The following SH3BP2 variants were observed in gnomAD, a reference collection of about 807,000 sequenced individuals.
SH3BP2 encodes the protein SH3 domain binding protein 2, also known as SH3 domain-binding protein 2.
Under a neutral mutation model 56.2 loss-of-function variants are expected in SH3BP2, and 38 were observed. That is an observed-to-expected ratio of 0.68 (90% CI 0.52 to 0.89). The LOEUF is 0.89. Among genes scored for constraint, SH3BP2 ranks in the 40% least tolerant of loss-of-function variants. SH3BP2 has a pLI of 0.00. For synonymous variants in SH3BP2, 346 were observed against 316.7 expected (o/e 1.09, Z -0.98); for missense variants, 748 against 762.6 (o/e 0.98, Z 0.23).
chr4:2,800,414 G>A (rs1411908831), intron 1 of SH3BP2, among the ~76,000 whole-genome samples: 2 of 152,168 alleles, frequency 1.3e-5, no homozygotes, highest in Non-Finnish European at 2.9e-5. Flanking sequence ...TGAGCTGCCC[G>A]AGCCTGCCCC....
intron 1 of SH3BP2, among the ~76,000 whole-genome samples, chr4:2,800,548 C>CACT: frequency 1.6e-5 from 1 of 60,968 alleles, no homozygotes; most frequent in African/African-American, 1.1e-4. Flanking sequence ...GTCCTGTGAC[C>CACT]GCCCCCCCCC....
intron 1 of SH3BP2, among the ~76,000 whole-genome samples, chr4:2,816,416 T>C (rs1724000063): frequency 6.6e-6 from 1 of 152,272 alleles, no homozygotes; most frequent in Non-Finnish European, 1.5e-5. Flanking sequence ...AATTGTTCTT[T>C]CTTTCCATTC....
chr4:2,795,572 C>T (rs987476968), intron 1 of SH3BP2, among the ~76,000 whole-genome samples: 1 of 152,128 alleles, frequency 6.6e-6, no homozygotes, highest in Non-Finnish European at 1.5e-5. Context: ...GGGGAAAAGA[C>T]GGGGAATTTG....
intron 1 of SH3BP2, among the ~76,000 whole-genome samples, chr4:2,820,124 C>T (rs776192423): frequency 6.6e-6 from 1 of 152,208 alleles, no homozygotes; most frequent in Admixed American, 6.5e-5. Flanking sequence ...CAGAAAGTCA[C>T]ACCAGGATGG....
rs557609184 is a variant in SH3BP2, at chr4:2,840,833, A to G, written c.*6999A>G. The G allele has an allele frequency of 2.6e-5, 4 of 152,342 alleles. No individual in the cohort carries two copies. The South Asian group carries it at 6.2e-4, about 24-fold the overall frequency. The allele number at this position is 152,342 out of a possible 1,614,324, so 9.4% of individuals were successfully genotyped here. A position where few individuals can be genotyped will look rare whatever the true frequency, so the allele number is the denominator to read the frequency against. ...TTTACAATATTGAGTTTTCTGATTC[A>G]TGAACATGGTTTACCTCTCTTTCCA... On this transcript the variant is annotated 3_prime_UTR_variant, in exon 13 of 13. Transcript: ENST00000503393.
At chr4:2,811,530 T>C (rs558485758) in intron 1 of SH3BP2, among the ~76,000 whole-genome samples, 6 of 152,318 alleles carry the variant, frequency 3.9e-5, no homozygotes, top group Admixed American at 3.3e-4. Flanking sequence ...TTCCGGGCTC[T>C]GGGCCTGGGC....
chr4:2,827,724 G>A, intron 7 of SH3BP2, 50 bp downstream of exon 7: 1 of 1,447,550 alleles, frequency 6.9e-7, no homozygotes, highest in Non-Finnish European at 9.5e-7. Context: ...AGGAAGCAGG[G>A]GCTGGGACCG....
intron 1 of SH3BP2, among the ~76,000 whole-genome samples, chr4:2,803,001 C>T (rs1010460233): frequency 3.3e-5 from 5 of 152,234 alleles, no homozygotes; most frequent in African/African-American, 7.2e-5. Context: ...CCAGATAAAA[C>T]GCCGTAAAGT....
rs927321863 is a variant in SH3BP2, at chr4:2,812,398, A to C, written c.-4-8216A>C. Reference sequence around the variant, plus strand: ...CCTGGGCTGGTGGCCCCTGAGCCGCATGGCCTCCCTGGGCCCCAGGACACC... The same window carrying C: ...CCTGGGCTGGTGGCCCCTGAGCCGCCTGGCCTCCCTGGGCCCCAGGACACC... On this transcript the variant is annotated intron_variant, in intron 1 of 12. Transcript: ENST00000503393. 4 of 1,549,828 alleles carry C rather than the reference A, an allele frequency of 2.6e-6. No homozygotes were observed. The South Asian group carries it at 4.8e-5, about 18-fold the overall frequency.
rs1328217579 is a variant in SH3BP2, at chr4:2,824,712, CTCCGAGGAGGAGCGCAAGGTGACTGGGGG to C, written c.348_357+19del. ...ACCGCACGTGGTTCTTCTCGGCCTC[CTCCGAGGAGGAGCGCAAGGTGACTGGGGG>C]TCCGAGGACGAGTGCAAGGTGACTG... On this transcript the variant is annotated splice_donor_variant and splice_donor_5th_base_variant and coding_sequence_variant and intron_variant, in exon 4 of 13. Coordinates refer to ENST00000503393, the MANE Select transcript of SH3BP2 (RefSeq NM_001122681.2). LOFTEE classifies it high-confidence loss of function. The C allele has an allele frequency of 1.2e-6, 2 of 1,612,598 alleles. No individual in the cohort carries two copies. Among genetic ancestry groups the C allele is most frequent in the African/African-American group, 1.3e-5 (1 of 74,920 alleles).
At chr4:2,824,575 T>A in intron 3 of SH3BP2, 38 bp from the exon 4 acceptor site, 1 of 1,501,860 alleles carries the variant, frequency 6.7e-7, no homozygotes, top group African/African-American at 1.4e-5. Flanking sequence ...TCCCTATAGC[T>A]GTGAACCAGG....
At chr4:2,833,459 G>C in intron 12 of SH3BP2, 1 of 618,160 alleles carries the variant, frequency 1.6e-6, no homozygotes, top group South Asian at 1.9e-5. Flanking sequence ...TCCTGACCTT[G>C]TCTGAAGTGC....
At chr4:2,802,574 G>A (rs981213131) in intron 1 of SH3BP2, among the ~76,000 whole-genome samples, 6 of 124,836 alleles carry the variant, frequency 4.8e-5, no homozygotes, top group East Asian at 2.0e-4. Context: ...GTATATATGT[G>A]TATATGTATA....
intron 1 of SH3BP2, among the ~76,000 whole-genome samples, chr4:2,820,406 G>C (rs955636662): frequency 2.0e-5 from 3 of 152,170 alleles, no homozygotes; most frequent in Non-Finnish European, 2.9e-5. Context: ...GAGTGGACCA[G>C]GGGCTGACTG....
chr4:2,828,422 C>T (rs754521171), intron 7 of SH3BP2, among the ~76,000 whole-genome samples: 11 of 152,032 alleles, frequency 7.2e-5, no homozygotes, highest in Admixed American at 4.6e-4. Context: ...GGTCCAGCCC[C>T]TCTTCTCCTG....
intron 1 of SH3BP2, among the ~76,000 whole-genome samples, chr4:2,806,718 C>T (rs1477515583): frequency 1.3e-5 from 2 of 152,256 alleles, no homozygotes; most frequent in Non-Finnish European, 2.9e-5. Context: ...CAGAGCTCCG[C>T]CTAGGGCAAC....
intron 1 of SH3BP2, among the ~76,000 whole-genome samples, chr4:2,807,978 A>G (rs1485101755): frequency 6.6e-6 from 1 of 152,158 alleles, no homozygotes; most frequent in African/African-American, 2.4e-5. Context: ...GCACGCCCAC[A>G]CTCGGGATCA....
chr4:2,818,744 C>T, intron 1 of SH3BP2: 2 of 989,326 alleles, frequency 2.0e-6, no homozygotes, highest in Non-Finnish European at 1.2e-6. Flanking sequence ...GGTCCTGCGG[C>T]TGGGACCCGC....
chr4:2,834,943 G>C lies in SH3BP2; in HGVS notation c.*1109G>C, dbSNP rs549691784. 2.0e-5 allele frequency: 3 copies of C among 152,398 alleles called. No individual in the cohort carries two copies. The highest frequency in any genetic ancestry group is 4.8e-5 in the African/African-American group (2 of 41,568). The allele number at this position is 152,398 out of a possible 1,614,324, so 9.4% of individuals were successfully genotyped here. On this transcript the variant is annotated 3_prime_UTR_variant, in exon 13 of 13. Transcript: ENST00000503393. ...TGGACCCTAAGCAGGCCAAGGGTGC[G>C]TAGGGACGGTGGTACCCAGATGCCC...
Sources: gnomAD v4.1 joint callset for allele counts (sites outside exome capture counted in the v4.1 genomes callset) on GRCh38, gnomAD v4.1.1 for gene constraint, MANE v1.5 for transcripts, NCBI Gene and HGNC (gene_info 2026-07-23, HGNC 2026-07-21) for gene names.